Variants in ITPRID1 observed in about 807,000 individuals in gnomAD.
ITPRID1 encodes the protein protein ITPRID1.
Under a neutral mutation model 95.4 loss-of-function variants are expected in ITPRID1, and 96 were observed. That is an observed-to-expected ratio of 1.01 (90% confidence interval 0.85 to 1.19). The LOEUF (loss-of-function observed/expected upper bound fraction) is 1.19, where lower values mean the gene tolerates loss of function less well. ITPRID1 is among the 50% of genes most tolerant of loss of function. ITPRID1 has a pLI of 0.00. For missense variants in ITPRID1, 1,339 were observed against 1,252.9 expected, an observed-to-expected ratio of 1.07 and a Z score of -1.04; for synonymous variants, 510 against 453.6, an observed-to-expected ratio of 1.12 and a Z score of -1.58.
chr7:31,648,391 AT>A (rs1046947060), intron 12 of ITPRID1, among the ~76,000 whole-genome samples: 9 of 151,874 alleles, frequency 5.9e-5, no homozygotes, highest in Admixed American at 2.0e-4. Flanking sequence ...GTTTTTATTT[AT>A]TTTTTTTCTC....
chr7:31,536,125 T>C lies in ITPRID1; in HGVS notation c.-97-13301T>C, dbSNP rs1783751245. Among the ~76,000 whole-genome samples the C allele has an allele frequency of 3.9e-5, 6 of 152,264 alleles. No individual in the cohort carries two copies. The South Asian group carries it at 1.2e-3, about 32-fold the overall frequency. On this transcript the variant is annotated intron_variant, in intron 1 of 14. Coordinates refer to ENST00000615280, the MANE Select transcript of ITPRID1 (RefSeq NM_001257967.3). The stretch of plus-strand genomic sequence containing the variant: ...AAAAATACGGACGATCACTTGGTAT[T>C]TTCCTATAGATCTTGGATGTTAGGT...
chr7:31,620,740 A>G (rs1310086752), intron 10 of ITPRID1, among the ~76,000 whole-genome samples: 1 of 152,154 alleles, frequency 6.6e-6, no homozygotes, highest in Non-Finnish European at 1.5e-5. Context: ...CTCACCAGCA[A>G]TGGAACAAAG....
In ITPRID1 at chr7:31,557,243, G is replaced by A. The variant is rs937152941; in HGVS notation, c.256+2342G>A. On this transcript the variant is annotated intron_variant, in intron 5 of 14. Transcript: ENST00000615280. Reference sequence around the variant, plus strand: ...TCAACTAACTAGAATTCATTCTAAGGCTGGTTTCCTTATTAATCACTTCTG... The same window carrying A: ...TCAACTAACTAGAATTCATTCTAAGACTGGTTTCCTTATTAATCACTTCTG... 5.9e-5 allele frequency among the ~76,000 whole-genome samples: 9 copies of A among 152,112 alleles called. No homozygotes were observed. The East Asian group carries it at 7.8e-4, about 13-fold the overall frequency.
chr7:31,658,643 G>T, downstream of ITPRID1: 1 of 217,132 alleles, frequency 4.6e-6, no homozygotes, highest in East Asian at 1.0e-4. Context: ...CTTGAAAATT[G>T]AGAGAACAGG....
chr7:31,647,673 CAAAAA>C (rs11345351), intron 12 of ITPRID1, among the ~76,000 whole-genome samples: 3,746 of 69,510 alleles, frequency 0.054, 237 homozygotes, highest in African/African-American at 0.18. Flanking sequence ...GTCTCCGTCT[CAAAAA>C]AAAAAAAAAA....
intron 1 of ITPRID1, among the ~76,000 whole-genome samples, chr7:31,538,190 A>G (rs1260821680): frequency 6.6e-6 from 1 of 152,134 alleles, no homozygotes; most frequent in East Asian, 1.9e-4. Flanking sequence ...TACTCTTCCC[A>G]TTCTTTAATT....
At chr7:31,626,138 C>T (rs545309419) in intron 10 of ITPRID1, among the ~76,000 whole-genome samples, 3 of 152,256 alleles carry the variant, frequency 2.0e-5, no homozygotes, top group African/African-American at 7.2e-5. Context: ...AAAAGGAAAA[C>T]GAATCCCATC....
intron 10 of ITPRID1, among the ~76,000 whole-genome samples, chr7:31,635,898 A>G (rs1180717119): frequency 2.0e-5 from 3 of 152,114 alleles, no homozygotes; most frequent in Non-Finnish European, 4.4e-5. Context: ...TATGTAATAA[A>G]CCTGCACATC....
chr7:31,557,206 A>C (rs1784476769), intron 5 of ITPRID1, among the ~76,000 whole-genome samples: 1 of 152,100 alleles, frequency 6.6e-6, no homozygotes, highest in South Asian at 2.1e-4. Context: ...ATGAAATTCC[A>C]GGGGACTCTA....
At chr7:31,544,947 T>C (rs888976163) in intron 1 of ITPRID1, among the ~76,000 whole-genome samples, 3 of 152,162 alleles carry the variant, frequency 2.0e-5, no homozygotes, top group African/African-American at 7.2e-5. Flanking sequence ...CTGTTATCTA[T>C]ATCTTGAACT....
chr7:31,649,671 A>G (rs969595548), intron 12 of ITPRID1, among the ~76,000 whole-genome samples: 2 of 152,212 alleles, frequency 1.3e-5, no homozygotes, highest in Non-Finnish European at 2.9e-5. Flanking sequence ...ACAAGCATTA[A>G]TATTACTCAA....
At chr7:31,515,049 T>A (rs1342290434) in intron 1 of ITPRID1, among the ~76,000 whole-genome samples, 1 of 152,038 alleles carries the variant, frequency 6.6e-6, no homozygotes, top group Non-Finnish European at 1.5e-5. Flanking sequence ...GGTGATTTAG[T>A]AATTATCTAT....
chr7:31,581,039 C>G (rs1479910907), intron 9 of ITPRID1, among the ~76,000 whole-genome samples: 1 of 152,150 alleles, frequency 6.6e-6, no homozygotes, highest in Non-Finnish European at 1.5e-5. Context: ...TAGATTGCAT[C>G]TTAAACAGAA....
intron 10 of ITPRID1, among the ~76,000 whole-genome samples, chr7:31,616,605 C>A (rs1468446551): frequency 6.6e-6 from 1 of 152,088 alleles, no homozygotes; most frequent in Admixed American, 6.5e-5. Context: ...TCCACAGGCA[C>A]AATGTTATTT....
Position 31,652,630 on chromosome 7 carries a change from T to A in ITPRID1, c.2936T>A (p.Met979Lys). Reference sequence around the variant, plus strand: ...TCATGTTCTAAAATCCACCCAGGCATGGCCCCGAGGACTGTGTTTCCTCCC... The same window carrying A: ...TCATGTTCTAAAATCCACCCAGGCAAGGCCCCGAGGACTGTGTTTCCTCCC... The part of the protein sequence containing the change: ...QTSCSKIHPG[M>K]APRTVFPPDD... Residue 979 changes from methionine to lysine, a missense_variant, in exon 15 of 15, where the codon ATG (methionine) becomes AAG (lysine). By Grantham distance (95) the Met-to-Lys change is moderately conservative. Transcript: ENST00000615280. 1.2e-6 allele frequency: 2 copies of A among 1,613,816 alleles called. No individual in the cohort carries two copies. Among genetic ancestry groups the A allele is most frequent in the South Asian group, 2.2e-5 (2 of 91,054 alleles).
intron 10 of ITPRID1, among the ~76,000 whole-genome samples, chr7:31,616,302 A>ATCCCTTCAGGGTCTAGT (rs1234375524): frequency 1.3e-5 from 2 of 152,180 alleles, no homozygotes; most frequent in Non-Finnish European, 2.9e-5. Flanking sequence ...ATTTATGGTT[A>ATCCCTTCAGGGTCTAGT]TCCCTTCAGG....
At chr7:31,631,373 GATT>G (rs897491903) in intron 10 of ITPRID1, among the ~76,000 whole-genome samples, 2 of 151,896 alleles carry the variant, frequency 1.3e-5, no homozygotes, top group African/African-American at 4.9e-5. Context: ...TGTGTATTAG[GATT>G]ATTATTTTAC....
intron 10 of ITPRID1, among the ~76,000 whole-genome samples, chr7:31,585,385 A>G (rs1403794909): frequency 6.6e-6 from 1 of 152,172 alleles, no homozygotes; most frequent in African/African-American, 2.4e-5. Context: ...CATATAGAAA[A>G]TTGGGACCCA....
chr7:31,647,655 CAGAG>C (rs1243390739), intron 12 of ITPRID1, among the ~76,000 whole-genome samples: 10 of 115,764 alleles, frequency 8.6e-5, no homozygotes, highest in Admixed American at 1.1e-4. Context: ...GCCTGAGCAA[CAGAG>C]AGAGTCTCCG....
Sources: allele counts gnomAD v4.1 joint callset (sites outside exome capture counted in the v4.1 genomes callset), GRCh38; gene constraint gnomAD v4.1.1; transcripts MANE v1.5; gene names NCBI Gene and HGNC (gene_info 2026-07-23, HGNC 2026-07-21).